The following SPON1 variants were observed in gnomAD, a reference collection of about 807,000 sequenced individuals.
SPON1 encodes the protein spondin-1.
Under a neutral mutation model 111.7 loss-of-function variants are expected in SPON1, and 52 were observed. The observed-to-expected ratio is 0.47, with a 90% CI of 0.37 to 0.59. The LOEUF (loss-of-function observed/expected upper bound fraction) is 0.59, where lower values mean the gene tolerates loss of function less well. SPON1 is among the 20% of genes least tolerant of loss of function. SPON1 has a pLI of 0.00. For synonymous variants in SPON1, 410 were observed against 395.8 expected (o/e 1.04, Z -0.43); for missense variants, 957 against 1,068.5 (o/e 0.90, Z 1.46).
At chr11:14,058,711 G>C (rs1554919529) in intron 3 of SPON1, among the ~76,000 whole-genome samples, 1 of 152,122 alleles carries the variant, frequency 6.6e-6, no homozygotes, top group East Asian at 1.9e-4. Flanking sequence ...TCCCTTCTTT[G>C]AGCATTCAGC....
chr11:14,246,782 A>T (rs1022096611), intron 7 of SPON1, among the ~76,000 whole-genome samples: 1 of 152,212 alleles, frequency 6.6e-6, no homozygotes, highest in Non-Finnish European at 1.5e-5. Flanking sequence ...TTACTAAATG[A>T]TCACACAAAT....
chr11:14,165,214 C>T (rs1334529476), intron 6 of SPON1, among the ~76,000 whole-genome samples: 2 of 146,706 alleles, frequency 1.4e-5, no homozygotes, highest in Non-Finnish European at 3.0e-5. Context: ...AGGTTAGAAG[C>T]AAGATGGAGT....
intron 6 of SPON1, among the ~76,000 whole-genome samples, chr11:14,136,005 C>T (rs958782061): frequency 6.6e-6 from 1 of 152,160 alleles, no homozygotes; most frequent in Non-Finnish European, 1.5e-5. Flanking sequence ...ATTAGTCGTT[C>T]GTTCATCATA....
chr11:14,189,584 AC>A (rs1184580702), intron 6 of SPON1, among the ~76,000 whole-genome samples: 2 of 151,876 alleles, frequency 1.3e-5, no homozygotes, highest in Non-Finnish European at 2.9e-5. Flanking sequence ...CTCTGGCCCC[AC>A]CCCATATCCC....
chr11:14,184,619 C>T (rs1848266944), intron 6 of SPON1, among the ~76,000 whole-genome samples: 1 of 152,094 alleles, frequency 6.6e-6, no homozygotes, highest in South Asian at 2.1e-4. Context: ...ACTGTTATGG[C>T]ACAAACCACC....
At chr11:14,198,658 G>C (rs1296968875) in intron 6 of SPON1, among the ~76,000 whole-genome samples, 2 of 152,128 alleles carry the variant, frequency 1.3e-5, no homozygotes, top group African/African-American at 4.8e-5. Flanking sequence ...ACTCATTCAG[G>C]GCGTGGGCCC....
intron 1 of SPON1, among the ~76,000 whole-genome samples, chr11:13,973,613 G>A (rs545428222): frequency 6.6e-6 from 1 of 152,270 alleles, no homozygotes; most frequent in South Asian, 2.1e-4. Context: ...ACAAATCCAC[G>A]AGATGATAAT....
At chr11:14,068,055 G>T (rs1554920531) in intron 3 of SPON1, among the ~76,000 whole-genome samples, 1 of 152,158 alleles carries the variant, frequency 6.6e-6, no homozygotes, top group South Asian at 2.1e-4. Flanking sequence ...CACATCTAAA[G>T]TAGTTCTTTT....
Position 14,268,048 on chromosome 11 carries a change from G to C in SPON1, c.*2361G>C, listed in dbSNP as rs1288555717. ...CTTGCCAGTGCATTTTATTAGAAGG[G>C]AATCTGTTGTAGCAAATGGGAATAA... On this transcript the variant is annotated 3_prime_UTR_variant, in exon 16 of 16. Coordinates refer to ENST00000576479, the MANE Select transcript of SPON1 (RefSeq NM_006108.4). Among the ~76,000 whole-genome samples, 5 of 152,124 alleles carry C rather than the reference G, an allele frequency of 3.3e-5. No homozygotes were observed. Among genetic ancestry groups the C allele is most frequent in the African/African-American group, 7.2e-5 (3 of 41,412 alleles).
At chr11:13,986,563 A>G (rs1025717259) in intron 2 of SPON1, among the ~76,000 whole-genome samples, 4 of 151,342 alleles carry the variant, frequency 2.6e-5, no homozygotes, top group African/African-American at 4.9e-5. Context: ...GTTGTTAACT[A>G]TAGTCACTCT....
rs927500901 is a variant in SPON1, at chr11:14,246,201, C to A, written c.890+2805C>A. 8.5e-5 allele frequency among the ~76,000 whole-genome samples: 13 copies of A among 152,238 alleles called. No individual in the cohort carries two copies. In the South Asian group the frequency reaches 1.5e-3, roughly 17 times the overall value. ...CCTGGGCTTAAACAGATGTAAACTG[C>A]AAATCAAAGCACATTCAGGAAAGAG... On this transcript the variant is annotated intron_variant, in intron 7 of 15. Coordinates refer to ENST00000576479, the MANE Select transcript of SPON1 (RefSeq NM_006108.4).
intron 6 of SPON1, among the ~76,000 whole-genome samples, chr11:14,141,547 C>A (rs12292106): frequency 0.39 from 59,021 of 151,950 alleles, 11,766 homozygotes; most frequent in East Asian, 0.55. Flanking sequence ...GATTATTTCA[C>A]CTTCAGGAGA....
intron 2 of SPON1, among the ~76,000 whole-genome samples, chr11:13,988,565 C>G (rs1452846602): frequency 6.6e-6 from 1 of 152,142 alleles, no homozygotes; most frequent in Non-Finnish European, 1.5e-5. Context: ...ATTGCCCTGG[C>G]TAGAACTTCC....
intron 6 of SPON1, among the ~76,000 whole-genome samples, chr11:14,197,520 T>TAAAC (rs547695987): frequency 0.011 from 1,435 of 135,412 alleles, 6 homozygotes; most frequent in Admixed American, 0.015. Context: ...AATAAATAAA[T>TAAAC]AAACAAGTGG....
intron 6 of SPON1, chr11:14,224,642 C>T: frequency 3.2e-6 from 1 of 317,358 alleles, no homozygotes; most frequent in Non-Finnish European, 6.4e-6. Flanking sequence ...ATGTAGCACT[C>T]TCATATCTAG....
In SPON1 at chr11:14,259,017, T is replaced by TAAAC. The variant is rs1273985015; in HGVS notation, c.1493-261_1493-258dup. 1.3e-5 allele frequency among the ~76,000 whole-genome samples: 2 copies of TAAAC among 152,264 alleles called. No homozygotes were observed. Among genetic ancestry groups the TAAAC allele is most frequent in the African/African-American group, 4.8e-5 (2 of 41,478 alleles). On this transcript the variant is annotated intron_variant, in intron 11 of 15. Transcript: ENST00000576479. This position sits in a 1 kb window ranked among gnomAD's most constrained non-coding sequence, Gnocchi z 5.0. ...CTTAGATATATGCGTGTACATTTTT[T>TAAAC]AAACACCATCCTTTCCATACAAGCA... is the stretch of plus-strand genomic sequence containing the variant.
chr11:14,256,276 G>T (rs1168915182), intron 9 of SPON1, among the ~76,000 whole-genome samples: 1 of 152,154 alleles, frequency 6.6e-6, no homozygotes, highest in East Asian at 1.9e-4. Flanking sequence ...AAAAGAAAAT[G>T]AGCAAAATTA....
chr11:14,067,850 G>A (rs782580305), intron 3 of SPON1, among the ~76,000 whole-genome samples: 5 of 152,216 alleles, frequency 3.3e-5, no homozygotes, highest in Non-Finnish European at 7.3e-5. Context: ...ATGCTGGGTA[G>A]ACGCCAGGAC....
Position 14,237,933 on chromosome 11 carries a change from G to C in SPON1, c.826-5399G>C, listed in dbSNP as rs1362236778. ...TGCACTTTCAGGCCCCATCTGCCTGGGTTCATGGTGGCAACGGGTGTGGCC... is the reference window on the plus strand; with the variant it reads ...TGCACTTTCAGGCCCCATCTGCCTGCGTTCATGGTGGCAACGGGTGTGGCC... On this transcript the variant is annotated intron_variant, in intron 6 of 15. Coordinates refer to ENST00000576479, the MANE Select transcript of SPON1 (RefSeq NM_006108.4). Among the ~76,000 whole-genome samples, 4 of 152,212 alleles carry C rather than the reference G, an allele frequency of 2.6e-5. No homozygotes were observed. In the East Asian group the frequency reaches 7.7e-4, roughly 29 times the overall value.
Sources: gnomAD v4.1 joint callset for allele counts (sites outside exome capture counted in the v4.1 genomes callset) on GRCh38, gnomAD v4.1.1 for gene constraint, Gnocchi (gnomAD v3.1) non-coding constraint, MANE v1.5 for transcripts, NCBI Gene and HGNC (gene_info 2026-07-23, HGNC 2026-07-21) for gene names.